The following PTPRF variants were observed in gnomAD, a reference collection of about 807,000 sequenced individuals.
PTPRF encodes the protein receptor-type tyrosine-protein phosphatase F.
In PTPRF, 59 loss-of-function variants were observed where a neutral mutation model predicts 201.8. The observed-to-expected ratio is 0.29, with a 90% confidence interval of 0.24 to 0.36. The LOEUF is 0.36. Among genes scored for constraint, PTPRF ranks in the 10% least tolerant of loss-of-function variants. The pLI is 1.00. For synonymous variants in PTPRF, 1,088 were observed against 1,089.7 expected (o/e 1.00, Z 0.03); for missense variants, 2,132 against 2,690.5 (o/e 0.79, Z 4.59).
intron 21 of PTPRF, among the ~76,000 whole-genome samples, chr1:43,608,238 G>T (rs891203743): frequency 6.6e-6 from 1 of 152,182 alleles, no homozygotes; most frequent in Non-Finnish European, 1.5e-5. Flanking sequence ...GGGCCTGCAG[G>T]GTCCCCATGT....
chr1:43,571,692 T>G (rs548564267), intron 6 of PTPRF, among the ~76,000 whole-genome samples: 1 of 152,310 alleles, frequency 6.6e-6, no homozygotes, highest in African/African-American at 2.4e-5. Flanking sequence ...CTCCGGGCCC[T>G]CCCGAGAATC....
At chr1:43,579,437 C>G (rs1206160194) in intron 7 of PTPRF, 2 of 351,032 alleles carry the variant, frequency 5.7e-6, no homozygotes, top group Non-Finnish European at 1.1e-5. Flanking sequence ...GCCAGGTCTT[C>G]CTGGAGCCTT....
chr1:43,601,245 T>C (rs1199140144), intron 13 of PTPRF, among the ~76,000 whole-genome samples: 3 of 152,210 alleles, frequency 2.0e-5, no homozygotes, highest in Admixed American at 6.5e-5. Context: ...TGATGTTTCA[T>C]GGGGCCTCAG....
At chr1:43,620,018 C>G (rs1283807960) in intron 29 of PTPRF, 77 bp from the exon 30 acceptor site, 1 of 1,597,128 alleles carries the variant, frequency 6.3e-7, no homozygotes, top group South Asian at 1.1e-5. Flanking sequence ...AGCAGGGCCC[C>G]AAGGGGCTAG....
chr1:43,609,551 G>C, intron 22 of PTPRF, 53 bp downstream of exon 22: 7 of 1,440,908 alleles, frequency 4.9e-6, no homozygotes, highest in Non-Finnish European at 6.7e-6. Flanking sequence ...GCAGGCCTGT[G>C]GGTCTGTTCT....
rs1480979973 is a variant in PTPRF, at chr1:43,588,388, C to G, written c.680-343C>G. 1.3e-5 allele frequency among the ~76,000 whole-genome samples: 2 copies of G among 152,182 alleles called. No individual in the cohort carries two copies. The highest frequency in any genetic ancestry group is 4.8e-5 in the African/African-American group (2 of 41,438). ...GAACACCCTGGGTTGTGGTCCTGAC[C>G]AGGCCTGGACCTTGTACTGAGTCCC... On this transcript the variant is annotated intron_variant, in intron 7 of 33. Transcript: ENST00000359947. The surrounding 1 kb of genome is among the most constrained non-coding windows in gnomAD (Gnocchi z 5.3).
At position 43,623,365 on chromosome 1, in the gene PTPRF, G is replaced by A. The variant is rs986587237; in HGVS notation, c.*1362G>A. ...ATTATCCCAGCTTGCTGAGGGGCAG[G>A]GAGAGCGCCTCTTCCTCTGGGCAGC... On this transcript the variant is annotated 3_prime_UTR_variant, in exon 34 of 34. Transcript: ENST00000359947. The A allele has an allele frequency of 2.0e-5, 3 of 152,634 alleles. No individual in the cohort carries two copies. The allele number at this position is 152,634 out of a possible 1,614,324, so 9.5% of individuals were successfully genotyped here.
intron 7 of PTPRF, among the ~76,000 whole-genome samples, chr1:43,581,773 G>C (rs1408233453): frequency 1.3e-5 from 2 of 152,206 alleles, no homozygotes; most frequent in Admixed American, 6.5e-5. Context: ...TCTCCCAGCA[G>C]AGAGGCTTCG....
upstream of PTPRF, chr1:43,530,860 G>A (rs1275227528): frequency 6.6e-6 from 1 of 152,022 alleles, no homozygotes. This position sits in a 1 kb window ranked among gnomAD's most constrained non-coding sequence, Gnocchi z 4.1. Flanking sequence ...AGGGGAGCGC[G>A]CGGCTGGAGC....
chr1:43,605,501 A>T (rs776948206), intron 18 of PTPRF, 28 bp from the exon 19 acceptor site: 2 of 1,613,628 alleles, frequency 1.2e-6, no homozygotes, highest in South Asian at 2.2e-5. Context: ...CAGCAGTGAC[A>T]GTCCTGATTC....
At chr1:43,547,202 C>T (rs61406331) in intron 3 of PTPRF, among the ~76,000 whole-genome samples, 3,546 of 152,154 alleles carry the variant, frequency 0.023, 137 homozygotes, top group African/African-American at 0.08. Context: ...TCACCCACCA[C>T]GCTGACTTCT....
chr1:43,608,803 C>T (rs1655765026), intron 21 of PTPRF, among the ~76,000 whole-genome samples: 2 of 152,184 alleles, frequency 1.3e-5, no homozygotes, highest in East Asian at 1.9e-4. Context: ...CCACAAGTAG[C>T]CTCTGGCTAT....
Position 43,598,454 on chromosome 1 carries a change from C to T in PTPRF, c.2120-266C>T. On this transcript the variant is annotated intron_variant, in intron 12 of 33. Transcript: ENST00000359947. ...GGTGGTCAAAGACCTGGTGCCCCACCTCCACCTGTTCCCCCATGTCGACCC... is the reference window on the plus strand; with the variant it reads ...GGTGGTCAAAGACCTGGTGCCCCACTTCCACCTGTTCCCCCATGTCGACCC... The T allele has an allele frequency of 5.8e-6, 3 of 518,050 alleles. 1 individual carries two copies. The South Asian group carries it at 9.1e-5, about 16-fold the overall frequency. 32.1% of individuals were successfully genotyped at this position (518,050 alleles called of 1,614,324 possible).
intron 10 of PTPRF, 96 bp from the exon 11 acceptor site, chr1:43,592,361 G>A (rs1023020877): frequency 3.8e-5 from 55 of 1,432,630 alleles, no homozygotes; most frequent in Non-Finnish European, 4.9e-5. Context: ...GAGCCGTGGT[G>A]GGTCCAGAGG....
chr1:43,561,509 C>G (rs1230133819), intron 5 of PTPRF, among the ~76,000 whole-genome samples: 1 of 152,134 alleles, frequency 6.6e-6, no homozygotes, highest in African/African-American at 2.4e-5. Flanking sequence ...TTGGCAGAAG[C>G]TGGGGCTGTC....
Position 43,613,731 on chromosome 1 carries a change from C to T in PTPRF, c.4071+16C>T. The T allele has an allele frequency of 1.2e-6, 2 of 1,607,808 alleles. No individual in the cohort carries two copies. Among genetic ancestry groups the T allele is most frequent in the Non-Finnish European group, 1.7e-6 (2 of 1,174,250 alleles). On this transcript the variant is annotated intron_variant, in intron 23 of 33. Transcript: ENST00000359947. ...GGAGTATGAGGTGAGATGTTCCCGC[C>T]CCCTACCATGTGCCTGGCCCAGGCC...
intron 23 of PTPRF, among the ~76,000 whole-genome samples, chr1:43,614,828 G>A (rs932899732): frequency 1.3e-5 from 2 of 151,688 alleles, no homozygotes; most frequent in African/African-American, 2.4e-5. Context: ...CTCCAGCCTG[G>A]GTGACAGAGT....
intron 2 of PTPRF, among the ~76,000 whole-genome samples, chr1:43,543,496 A>G (rs888411084): frequency 6.6e-6 from 1 of 152,112 alleles, no homozygotes; most frequent in Non-Finnish European, 1.5e-5. Flanking sequence ...CCTGTCTCAG[A>G]TTTTTGGTGG....
chr1:43,613,280 T>C, intron 22 of PTPRF: 1 of 347,992 alleles, frequency 2.9e-6, no homozygotes, highest in South Asian at 2.5e-5. Flanking sequence ...GCCCAGCTCC[T>C]GTCACGTCTG....
Sources: gnomAD v4.1 joint callset for allele counts (sites outside exome capture counted in the v4.1 genomes callset) on GRCh38, gnomAD v4.1.1 for gene constraint, Gnocchi (gnomAD v3.1) non-coding constraint, MANE v1.5 for transcripts, NCBI Gene and HGNC (gene_info 2026-07-23, HGNC 2026-07-21) for gene names.